UNC5C: variants seen among roughly 807,000 people sequenced by gnomAD.
The protein encoded by UNC5C is unc-5 netrin receptor C.
UNC5C carries 47 observed loss-of-function variants against 99.8 expected under a neutral mutation model. The observed-to-expected ratio is 0.47, with a 90% CI of 0.37 to 0.60. The LOEUF is 0.60. Among genes scored for constraint, UNC5C ranks in the 20% least tolerant of loss-of-function variants. The pLI is 0.00. For synonymous variants in UNC5C, 487 were observed against 452.2 expected, an observed-to-expected ratio of 1.08 and a Z score of -0.98; for missense variants, 1,062 against 1,165.9, an observed-to-expected ratio of 0.91 and a Z score of 1.30.
In UNC5C at chr4:95,256,699, A is replaced by AATAT. The variant is rs377553615; in HGVS notation, c.595-6036_595-6033dup. On this transcript the variant is annotated intron_variant, in intron 4 of 15. Transcript: ENST00000453304. ...TTGTCTAGAGGGACAGAACTAAATA[A>AATAT]ATATATATATATATATATATATGAG... Among the ~76,000 whole-genome samples, 423 of 90,610 alleles carry AATAT rather than the reference A, an allele frequency of 4.7e-3. 10 individuals are homozygous for AATAT. Among genetic ancestry groups the AATAT allele is most frequent in the Middle Eastern group, 0.02 (4 of 204 alleles). The allele number at this position is 90,610 out of a possible 152,430, so 59.4% of individuals were successfully genotyped here. A position where few individuals can be genotyped will look rare whatever the true frequency, so the allele number is the denominator to read the frequency against.
At chr4:95,264,270 AG>A (rs1270781779) in intron 4 of UNC5C, among the ~76,000 whole-genome samples, 1 of 152,322 alleles carries the variant, frequency 6.6e-6, no homozygotes, top group African/African-American at 2.4e-5. Context: ...TTTATTCAGA[AG>A]ACATGAACTT....
At chr4:95,453,722 C>A (rs1341257412) in intron 1 of UNC5C, among the ~76,000 whole-genome samples, 1 of 151,906 alleles carries the variant, frequency 6.6e-6, no homozygotes, top group African/African-American at 2.4e-5. Flanking sequence ...AGAATACAGA[C>A]AAATAAGCAG....
At chr4:95,186,756 C>G (rs944428688) in intron 12 of UNC5C, among the ~76,000 whole-genome samples, 7 of 152,168 alleles carry the variant, frequency 4.6e-5, no homozygotes, top group African/African-American at 1.4e-4. Flanking sequence ...GAGTATTGAC[C>G]TGCTACTTAA....
chr4:95,293,449 C>T (rs537466401), intron 3 of UNC5C, among the ~76,000 whole-genome samples: 1 of 151,674 alleles, frequency 6.6e-6, no homozygotes, highest in East Asian at 1.9e-4. Flanking sequence ...AGTATCCCAG[C>T]TGGGATCACA....
intron 5 of UNC5C, among the ~76,000 whole-genome samples, chr4:95,247,496 G>T (rs1429364331): frequency 2.6e-5 from 4 of 152,144 alleles, no homozygotes; most frequent in Non-Finnish European, 5.9e-5. Flanking sequence ...GTACTGTTCT[G>T]CTGGGATTTT....
chr4:95,452,883 C>G (rs1035135654), intron 1 of UNC5C, among the ~76,000 whole-genome samples: 1 of 152,138 alleles, frequency 6.6e-6, no homozygotes, highest in Non-Finnish European at 1.5e-5. Flanking sequence ...AAAGAAAGTG[C>G]TTATCTTATC....
chr4:95,230,345 C>T (rs1738866872), intron 7 of UNC5C, among the ~76,000 whole-genome samples: 1 of 151,942 alleles, frequency 6.6e-6, no homozygotes, highest in Non-Finnish European at 1.5e-5. Flanking sequence ...GATATTAGCC[C>T]TTTGTCAGAT....
chr4:95,292,384 T>C (rs367743388), intron 3 of UNC5C, among the ~76,000 whole-genome samples: 35 of 151,784 alleles, frequency 2.3e-4, no homozygotes, highest in East Asian at 7.7e-4. Flanking sequence ...ATTCTCCTGC[T>C]TCAGCCTCCC....
At chr4:95,516,046 T>A (rs928423722) in intron 1 of UNC5C, among the ~76,000 whole-genome samples, 1 of 152,194 alleles carries the variant, frequency 6.6e-6, no homozygotes, top group African/African-American at 2.4e-5. Context: ...AGTAAAAAAT[T>A]AACTGTAACT....
chr4:95,175,879 A>AC (rs1736321484), intron 14 of UNC5C, among the ~76,000 whole-genome samples: 1 of 151,654 alleles, frequency 6.6e-6, no homozygotes, highest in Non-Finnish European at 1.5e-5. Context: ...TTTCAGGTAC[A>AC]CCAATCAGAT....
chr4:95,191,118 A>T (rs1301675673), intron 12 of UNC5C, among the ~76,000 whole-genome samples: 7 of 152,076 alleles, frequency 4.6e-5, no homozygotes, highest in Non-Finnish European at 1.0e-4. Context: ...TTAAGGCTTG[A>T]CAGAGAGGCA....
At chr4:95,479,800 T>C (rs1721080982) in intron 1 of UNC5C, among the ~76,000 whole-genome samples, 1 of 151,956 alleles carries the variant, frequency 6.6e-6, no homozygotes, top group South Asian at 2.1e-4. Flanking sequence ...AGATATTTCA[T>C]TAAATGTTAT....
chr4:95,310,521 T>C (rs1742238727), intron 2 of UNC5C, among the ~76,000 whole-genome samples: 1 of 152,136 alleles, frequency 6.6e-6, no homozygotes, highest in Admixed American at 6.6e-5. Flanking sequence ...ATGATATATA[T>C]TTCAAAACAT....
chr4:95,413,918 G>A (rs1746083098), intron 1 of UNC5C, among the ~76,000 whole-genome samples: 2 of 152,186 alleles, frequency 1.3e-5, no homozygotes, highest in Admixed American at 6.5e-5. Flanking sequence ...GCCTGCAAAT[G>A]GGAAGGTTGT....
intron 1 of UNC5C, among the ~76,000 whole-genome samples, chr4:95,530,090 C>T (rs1178397982): frequency 3.3e-5 from 5 of 152,106 alleles, no homozygotes; most frequent in Non-Finnish European, 7.4e-5. Flanking sequence ...TATTTAGCTA[C>T]AGAGATATTT....
At chr4:95,429,371 A>G (rs907107245) in intron 1 of UNC5C, among the ~76,000 whole-genome samples, 20 of 151,718 alleles carry the variant, frequency 1.3e-4, no homozygotes, top group Non-Finnish European at 2.6e-4. Flanking sequence ...TGTCTGTACT[A>G]TATTAAGTAC....
At chr4:95,520,829 T>G (rs1722335117) in intron 1 of UNC5C, among the ~76,000 whole-genome samples, 1 of 152,058 alleles carries the variant, frequency 6.6e-6, no homozygotes, top group South Asian at 2.1e-4. Context: ...CTCGGTCTCC[T>G]GACCTCGTGA....
chr4:95,290,073 A>G (rs28616209), intron 3 of UNC5C, among the ~76,000 whole-genome samples: 100,377 of 151,990 alleles, frequency 0.66, 34,219 homozygotes, highest in African/African-American at 0.84. Flanking sequence ...AGAGGCCAAG[A>G]TTGGGGATCG....
At chr4:95,434,000 G>A (rs925182958) in intron 1 of UNC5C, among the ~76,000 whole-genome samples, 1 of 151,906 alleles carries the variant, frequency 6.6e-6, no homozygotes, top group Non-Finnish European at 1.5e-5. Flanking sequence ...TGCCTTCCCT[G>A]CCTGCCCATA....
Sources: allele counts gnomAD v4.1 joint callset (sites outside exome capture counted in the v4.1 genomes callset), GRCh38; gene constraint gnomAD v4.1.1; transcripts MANE v1.5; gene names NCBI Gene and HGNC (gene_info 2026-07-23, HGNC 2026-07-21).